STARD13: variants seen among roughly 807,000 people sequenced by gnomAD.
The protein encoded by STARD13 is StAR related lipid transfer domain containing 13, also known as stAR-related lipid transfer protein 13.
STARD13 carries 62 observed loss-of-function variants against 106.4 expected under a neutral mutation model. The observed-to-expected ratio is 0.58, with a 90% CI of 0.48 to 0.72. The LOEUF (loss-of-function observed/expected upper bound fraction) is 0.72. STARD13 is among the 30% of genes least tolerant of loss of function. STARD13 has a pLI of 0.00. For synonymous variants in STARD13, 565 were observed against 553.0 expected, an observed-to-expected ratio of 1.02 and a Z score of -0.31; for missense variants, 1,387 against 1,424.0, an observed-to-expected ratio of 0.97 and a Z score of 0.42.
the STARD13 span, among the ~76,000 whole-genome samples, chr13:33,405,321 G>A: frequency 2.6e-5 from 4 of 152,320 alleles, no homozygotes; most frequent in Non-Finnish European, 4.4e-5. Context: ...GCTGCTAAGC[G>A]TGCATCAGGT....
chr13:33,112,963 GAGC>G, intron 8 of STARD13, 32 bp from the exon 9 acceptor site: 1 of 1,554,630 alleles, frequency 6.4e-7, no homozygotes, highest in Non-Finnish European at 8.8e-7. Context: ...GTCATTGGAG[GAGC>G]AGACATAGAA....
At chr13:33,501,866 T>C in the STARD13 span, among the ~76,000 whole-genome samples, 1 of 151,662 alleles carries the variant, frequency 6.6e-6, no homozygotes. Flanking sequence ...TGCAGGCTCT[T>C]TTTTTTTGGT....
chr13:33,276,595 T>C (rs1348562418), intron 1 of STARD13: 4 of 152,296 alleles, frequency 2.6e-5, no homozygotes, highest in Admixed American at 6.5e-5. Context: ...TATAAATGTA[T>C]ATGAAATGCT....
chr13:33,170,872 A>C (rs771612753), intron 1 of STARD13, among the ~76,000 whole-genome samples: 3 of 152,172 alleles, frequency 2.0e-5, no homozygotes, highest in African/African-American at 2.4e-5. Context: ...AACCCCTATC[A>C]AATCTGAGTT....
At chr13:33,675,948 C>T in the STARD13 span, among the ~76,000 whole-genome samples, 1 of 152,144 alleles carries the variant, frequency 6.6e-6, no homozygotes, top group South Asian at 2.1e-4. Flanking sequence ...TTAAAAGTTC[C>T]TGTACATTTC....
At chr13:33,118,000 G>A (rs1875646703) in intron 8 of STARD13, 65 bp downstream of exon 8, 1 of 1,603,414 alleles carries the variant, frequency 6.2e-7, no homozygotes, top group Non-Finnish European at 8.5e-7. Flanking sequence ...TCAATCTATA[G>A]GGAATTATTT....
At chr13:33,295,712 G>T (rs1198279948) in intron 1 of STARD13, among the ~76,000 whole-genome samples, 2 of 152,054 alleles carry the variant, frequency 1.3e-5, no homozygotes, top group Non-Finnish European at 2.9e-5. Context: ...CCCGGGGGGG[G>T]CAGAGGAGAG....
At chr13:33,378,313 A>G in the STARD13 span, among the ~76,000 whole-genome samples, 1 of 151,988 alleles carries the variant, frequency 6.6e-6, no homozygotes, top group Non-Finnish European at 1.5e-5. Context: ...CAAACATACC[A>G]AATGCTTTCC....
At chr13:33,509,808 C>T in the STARD13 span, among the ~76,000 whole-genome samples, 8 of 152,172 alleles carry the variant, frequency 5.3e-5, no homozygotes, top group East Asian at 1.9e-4. Context: ...ACTCGTAGGG[C>T]GAATTTTCAG....
chr13:33,509,023 C>G, the STARD13 span, among the ~76,000 whole-genome samples: 1 of 152,124 alleles, frequency 6.6e-6, no homozygotes, highest in Admixed American at 6.6e-5. Flanking sequence ...AGAAAAGGTA[C>G]TGTAAAAATA....
At chr13:33,634,584 C>T in the STARD13 span, among the ~76,000 whole-genome samples, 10 of 152,182 alleles carry the variant, frequency 6.6e-5, no homozygotes, top group African/African-American at 2.4e-4. Flanking sequence ...TCAAAATTCT[C>T]CTTTCTTACA....
chr13:33,359,136 T>C, the STARD13 span, among the ~76,000 whole-genome samples: 13 of 35,276 alleles, frequency 3.7e-4, no homozygotes, highest in African/African-American at 5.9e-4. Flanking sequence ...CCTTCCACAC[T>C]GTGGAAGCGT....
chr13:33,228,349 CTTAT>C (rs1420450719), intron 1 of STARD13, among the ~76,000 whole-genome samples: 17 of 151,972 alleles, frequency 1.1e-4, no homozygotes, highest in African/African-American at 2.2e-4. Context: ...CTGATTGTTT[CTTAT>C]TTAAACTATG....
At chr13:33,607,510 A>G in the STARD13 span, among the ~76,000 whole-genome samples, 1 of 151,946 alleles carries the variant, frequency 6.6e-6, no homozygotes, top group Non-Finnish European at 1.5e-5. Context: ...CTTAGCCAGG[A>G]TGGTCTGGAT....
the STARD13 span, among the ~76,000 whole-genome samples, chr13:33,626,936 A>T: frequency 1.3e-5 from 2 of 152,350 alleles, no homozygotes; most frequent in East Asian, 3.9e-4. Flanking sequence ...TAAAATAAAA[A>T]TTCTGGCCAT....
At chr13:33,564,248 G>A in the STARD13 span, among the ~76,000 whole-genome samples, 2 of 141,142 alleles carry the variant, frequency 1.4e-5, no homozygotes, top group Non-Finnish European at 3.1e-5. Flanking sequence ...GAACAGACAT[G>A]TATCAAAATA....
the STARD13 span, among the ~76,000 whole-genome samples, chr13:33,540,330 T>C: frequency 2.6e-3 from 403 of 152,332 alleles, 1 homozygote; most frequent in African/African-American, 9.4e-3. Flanking sequence ...AGGCTTCTTT[T>C]GGCATATCCA....
downstream of STARD13, among the ~76,000 whole-genome samples, chr13:33,343,868 A>G (rs550162520): frequency 6.6e-6 from 1 of 152,150 alleles, no homozygotes; most frequent in Non-Finnish European, 1.5e-5. Flanking sequence ...ACTTTATCTT[A>G]TAACCTGACC....
chr13:33,550,865 C>T, the STARD13 span, among the ~76,000 whole-genome samples: 4 of 152,236 alleles, frequency 2.6e-5, no homozygotes, highest in South Asian at 2.1e-4. Flanking sequence ...ACAATGTATC[C>T]TTCTCTTTCT....
Sources: gnomAD v4.1 joint callset for allele counts (sites outside exome capture counted in the v4.1 genomes callset) on GRCh38, gnomAD v4.1.1 for gene constraint, MANE v1.5 for transcripts, NCBI Gene and HGNC (gene_info 2026-07-23, HGNC 2026-07-21) for gene names.